Variants in CDKN2B-AS1 observed in about 807,000 individuals in gnomAD.
CDKN2B-AS1 encodes the protein CDKN2B and CDKN2A antisense cis and trans regulatory RNA 1.
At position 22,006,342 on chromosome 9, in the gene CDKN2B-AS1, C is replaced by T. The variant is rs1821189616; in HGVS notation, n.29+11181C>T. The stretch of plus-strand genomic sequence containing the variant: ...CAGGTGGAGCCATTTAAAGAAACAC[C>T]TAATTGCAAAGTTTTCACCCAGTGC... On this transcript the variant is annotated intron_variant and non_coding_transcript_variant, in intron 1 of 4. Transcript: ENST00000650946. The surrounding 1 kb of genome is among the most constrained non-coding windows in gnomAD (Gnocchi z 6.4). 7 of 1,537,022 alleles carry T rather than the reference C, an allele frequency of 4.6e-6. No homozygotes were observed. In the Admixed American group the frequency reaches 1.1e-4, roughly 24 times the overall value.
chr9:22,107,899 A>G (rs559027550), intron 4 of CDKN2B-AS1, among the ~76,000 whole-genome samples: 2 of 152,330 alleles, frequency 1.3e-5, no homozygotes, highest in African/African-American at 2.4e-5. Context: ...AAGGCATTCT[A>G]CATCTCAGAT....
At chr9:22,022,170 T>G (rs1038349889) in intron 1 of CDKN2B-AS1, among the ~76,000 whole-genome samples, 2 of 152,074 alleles carry the variant, frequency 1.3e-5, no homozygotes, top group African/African-American at 4.8e-5. Flanking sequence ...ATCTATCAGG[T>G]TCATTTGATC....
intron 4 of CDKN2B-AS1, chr9:22,092,584 C>T (rs894191114): frequency 1.3e-5 from 2 of 152,168 alleles, no homozygotes; most frequent in Non-Finnish European, 2.9e-5. Flanking sequence ...TTATCCATTT[C>T]TTCTAGATTT....
intron 4 of CDKN2B-AS1, among the ~76,000 whole-genome samples, chr9:22,100,944 T>C (rs1322900294): frequency 6.6e-6 from 1 of 152,208 alleles, no homozygotes; most frequent in Non-Finnish European, 1.5e-5. Context: ...CATTCACGTG[T>C]CTTCTGTGAT....
chr9:22,006,247 C>G lies in CDKN2B-AS1; in HGVS notation n.29+11086C>G, dbSNP rs748720669. On this transcript the variant is annotated intron_variant and non_coding_transcript_variant, in intron 1 of 4. Coordinates refer to ENST00000650946, the Ensembl canonical transcript of CDKN2B-AS1. The surrounding 1 kb of genome is among the most constrained non-coding windows in gnomAD (Gnocchi z 6.4). ...ACGCGGGCGCTGCCCATCATCATGA[C>G]CTGCCAGAGAGAGCAGAGTGGTCAG... 6 of 1,604,732 alleles carry G rather than the reference C, an allele frequency of 3.7e-6. No homozygotes were observed. The highest frequency in any genetic ancestry group is 5.1e-6 in the Non-Finnish European group (6 of 1,179,920).
At chr9:22,052,306 G>C (rs541646051) in intron 3 of CDKN2B-AS1, among the ~76,000 whole-genome samples, 2 of 152,244 alleles carry the variant, frequency 1.3e-5, no homozygotes, top group African/African-American at 4.8e-5. Context: ...CAGGCATTCA[G>C]TGAATGAAAT....
chr9:22,031,909 A>AGGG (rs1822488851), intron 1 of CDKN2B-AS1, among the ~76,000 whole-genome samples: 1 of 152,220 alleles, frequency 6.6e-6, no homozygotes, highest in African/African-American at 2.4e-5. Flanking sequence ...CTCACATGGC[A>AGGG]GGGACCTGAG....
Position 22,006,267 on chromosome 9 carries a change from G to A in CDKN2B-AS1, n.29+11106G>A. Reference sequence around the variant, plus strand: ...CATGACCTGCCAGAGAGAGCAGAGTGGTCAGAGCCAGGGTGGGGGCAGGTA... The same window carrying A: ...CATGACCTGCCAGAGAGAGCAGAGTAGTCAGAGCCAGGGTGGGGGCAGGTA... On this transcript the variant is annotated intron_variant and non_coding_transcript_variant, in intron 1 of 4. Transcript: ENST00000650946. The surrounding 1 kb of genome is among the most constrained non-coding windows in gnomAD (Gnocchi z 6.4). The A allele has an allele frequency of 6.2e-7, 1 of 1,601,796 alleles. No individual in the cohort carries two copies.
chr9:22,012,015 G>A (rs1821529725), intron 1 of CDKN2B-AS1: 4 of 504,412 alleles, frequency 7.9e-6, no homozygotes, highest in African/African-American at 1.9e-5. Flanking sequence ...TTCCAATGTT[G>A]CACATAACTC....
At chr9:22,047,574 T>C (rs1357922897) in intron 2 of CDKN2B-AS1, among the ~76,000 whole-genome samples, 1 of 152,164 alleles carries the variant, frequency 6.6e-6, no homozygotes, top group African/African-American at 2.4e-5. Flanking sequence ...AATATATTAG[T>C]TATTATTTAT....
At chr9:22,081,525 C>T (rs1306387314) in intron 4 of CDKN2B-AS1, among the ~76,000 whole-genome samples, 2 of 152,170 alleles carry the variant, frequency 1.3e-5, no homozygotes, top group Non-Finnish European at 2.9e-5. Context: ...CCCTGCCTGG[C>T]CTGATCCCAG....
chr9:22,057,858 A>C (rs901913519), intron 4 of CDKN2B-AS1, among the ~76,000 whole-genome samples: 1 of 151,834 alleles, frequency 6.6e-6, no homozygotes, highest in Non-Finnish European at 1.5e-5. Context: ...GCTCATGCCT[A>C]TATTTCTAGC....
intron 4 of CDKN2B-AS1, among the ~76,000 whole-genome samples, chr9:22,068,113 CT>C (rs1427188302): frequency 6.6e-6 from 1 of 152,176 alleles, no homozygotes; most frequent in Admixed American, 6.6e-5. Flanking sequence ...TTTGTCCTCA[CT>C]TTTTTCTCTT....
chr9:22,037,430 C>A (rs1051976097), intron 1 of CDKN2B-AS1, among the ~76,000 whole-genome samples: 1 of 151,562 alleles, frequency 6.6e-6, no homozygotes, highest in South Asian at 2.1e-4. Context: ...ACCTGGTTTG[C>A]GTAATCTACA....
chr9:22,045,688 A>T (rs1234507890), intron 1 of CDKN2B-AS1, among the ~76,000 whole-genome samples: 1 of 152,110 alleles, frequency 6.6e-6, no homozygotes, highest in Non-Finnish European at 1.5e-5. Flanking sequence ...AAGGTCAAAA[A>T]GTAGATCACT....
intron 1 of CDKN2B-AS1, among the ~76,000 whole-genome samples, chr9:22,013,276 T>A (rs1168798479): frequency 6.6e-6 from 1 of 152,206 alleles, no homozygotes; most frequent in Non-Finnish European, 1.5e-5. Context: ...AATATAAAAA[T>A]TTAGAGGTGA....
chr9:22,118,573 T>TC, intron 4 of CDKN2B-AS1: 1 of 152,348 alleles, frequency 6.6e-6, no homozygotes, highest in African/African-American at 2.4e-5. Context: ...TGAACTTTTT[T>TC]CCCTGCAACA....
chr9:22,058,917 A>G, intron 4 of CDKN2B-AS1: 1 of 197,428 alleles, frequency 5.1e-6, no homozygotes, highest in South Asian at 1.2e-4. Flanking sequence ...AAAAGCGGAA[A>G]CCTCTGATAA....
intron 1 of CDKN2B-AS1, among the ~76,000 whole-genome samples, chr9:22,007,368 A>AAAT (rs1821242585): frequency 6.6e-6 from 1 of 151,986 alleles, no homozygotes; most frequent in Non-Finnish European, 1.5e-5. Flanking sequence ...CAAAAAAAAT[A>AAAT]AAATAAATAA....
Sources: gnomAD v4.1 joint callset for allele counts (sites outside exome capture counted in the v4.1 genomes callset) on GRCh38, gnomAD v4.1.1 for gene constraint, Gnocchi (gnomAD v3.1) non-coding constraint, MANE v1.5 for transcripts, NCBI Gene and HGNC (gene_info 2026-07-23, HGNC 2026-07-21) for gene names.